The following RGS13 variants were observed in gnomAD, a reference collection of about 807,000 sequenced individuals.
The protein encoded by RGS13 is regulator of G-protein signalling 13.
Under a neutral mutation model 19.9 loss-of-function variants are expected in RGS13, and 14 were observed. That is an observed-to-expected ratio of 0.70 (90% CI 0.46 to 1.10). The LOEUF is 1.10. Among genes scored for constraint, RGS13 ranks in the 50% least tolerant of loss-of-function variants. RGS13 has a pLI of 0.00. For synonymous variants in RGS13, 60 were observed against 56.8 expected (o/e 1.06, Z -0.25); for missense variants, 205 against 187.1 (o/e 1.10, Z -0.56).
chr1:192,646,833 GTTTC>G (rs1663231529), intron 4 of RGS13: 1 of 152,034 alleles, frequency 6.6e-6, no homozygotes, highest in African/African-American at 2.4e-5. Context: ...ACATGATATT[GTTTC>G]TTTTTATGGC....
At chr1:192,639,698 A>G (rs889382781) in intron 3 of RGS13, among the ~76,000 whole-genome samples, 5 of 152,136 alleles carry the variant, frequency 3.3e-5, no homozygotes, top group Non-Finnish European at 7.4e-5. Flanking sequence ...AGGAAAAGGA[A>G]ATGAGAATCT....
At chr1:192,648,695 C>G (rs1178863873) in intron 5 of RGS13, among the ~76,000 whole-genome samples, 1 of 151,940 alleles carries the variant, frequency 6.6e-6, no homozygotes, top group Non-Finnish European at 1.5e-5. Flanking sequence ...GGAGTTGGTT[C>G]CCCTCAATGC....
chr1:192,641,306 G>GAAAGAA (rs201039158), intron 3 of RGS13, among the ~76,000 whole-genome samples: 34 of 105,476 alleles, frequency 3.2e-4, no homozygotes, highest in African/African-American at 5.3e-4. Context: ...AAGAAAGAAA[G>GAAAGAA]AAAAGAAAGA....
intron 5 of RGS13, among the ~76,000 whole-genome samples, chr1:192,653,233 GA>G (rs1406670596): frequency 6.6e-6 from 1 of 151,780 alleles, no homozygotes; most frequent in East Asian, 1.9e-4. Flanking sequence ...GAATTCACGG[GA>G]AAAAAAGAAA....
At chr1:192,656,466 G>T (rs1430263207) in intron 5 of RGS13, among the ~76,000 whole-genome samples, 1 of 151,752 alleles carries the variant, frequency 6.6e-6, no homozygotes, top group Non-Finnish European at 1.5e-5. Context: ...ACCTTTCTGT[G>T]CCTATGGTGA....
Position 192,658,757 on chromosome 1 carries a change from A to T in RGS13, c.294+390A>T, listed in dbSNP as rs77905173. 573 of 179,416 alleles carry T rather than the reference A, an allele frequency of 3.2e-3. 10 individuals are homozygous for T. Among genetic ancestry groups the T allele is most frequent in the East Asian group, 0.024 (160 of 6,650 alleles). The allele number at this position is 179,416 out of a possible 1,614,324, so 11.1% of individuals were successfully genotyped here. On this transcript the variant is annotated intron_variant, in intron 6 of 6. Transcript: ENST00000391995. ...TGTTGTTGGGCAATGAGAAATAAAAAGTCTGTTAAGGGAATAAAGACAGAG... is the reference window on the plus strand; with the variant it reads ...TGTTGTTGGGCAATGAGAAATAAAATGTCTGTTAAGGGAATAAAGACAGAG...
intron 3 of RGS13, among the ~76,000 whole-genome samples, chr1:192,639,018 C>T (rs1252429514): frequency 6.6e-6 from 1 of 152,084 alleles, no homozygotes; most frequent in Non-Finnish European, 1.5e-5. Context: ...TATATTGCTT[C>T]TTTTTCAATG....
intron 5 of RGS13, among the ~76,000 whole-genome samples, chr1:192,649,671 G>C (rs1663301368): frequency 6.6e-6 from 1 of 151,984 alleles, no homozygotes; most frequent in Non-Finnish European, 1.5e-5. Context: ...CACATAACAT[G>C]CCCTCCACCA....
chr1:192,644,409 A>T lies in RGS13; in HGVS notation c.65+10A>T, dbSNP rs748018074. On this transcript the variant is annotated intron_variant, in intron 4 of 6. Transcript: ENST00000391995. ...AGAGGCCCCCTTCAAAGTAAGTAGC[A>T]TTTAAGTTTCTATGGTAATTGTAAA... The T allele has an allele frequency of 4.5e-5, 71 of 1,591,596 alleles. No individual in the cohort carries two copies. Among genetic ancestry groups the T allele is most frequent in the Admixed American group, 4.4e-4 (26 of 59,652 alleles).
rs1398459607 is a variant in RGS13 at position 192,641,263 on chromosome 1, AAAG to A, written c.-5+3063_-4-3063del. ...AAGAAAGAAAAGAAAGAAAAGAAAG[AAAG>A]AAAGAAAGAAAGAAAGAAAGAAAGA... is the stretch of plus-strand genomic sequence containing the variant. On this transcript the variant is annotated intron_variant, in intron 3 of 6. Transcript: ENST00000391995. Among the ~76,000 whole-genome samples the A allele has an allele frequency of 1.1e-4, 12 of 105,214 alleles. 1 individual carries two copies. In the South Asian group the frequency reaches 1.8e-3, roughly 16 times the overall value. The allele number at this position is 105,214 out of a possible 152,430, so 69.0% of individuals were successfully genotyped here.
intron 5 of RGS13, among the ~76,000 whole-genome samples, chr1:192,652,396 G>A (rs982616273): frequency 1.3e-5 from 2 of 152,030 alleles, no homozygotes; most frequent in African/African-American, 2.4e-5. Context: ...GTGATTGGCA[G>A]TTTCCTACAC....
intron 5 of RGS13, among the ~76,000 whole-genome samples, chr1:192,653,673 T>C (rs1571586226): frequency 6.6e-6 from 1 of 152,238 alleles, no homozygotes; most frequent in South Asian, 2.1e-4. Context: ...CTATGTGCTA[T>C]TAACTATGAA....
intron 3 of RGS13, among the ~76,000 whole-genome samples, chr1:192,642,199 C>T (rs968989161): frequency 6.6e-6 from 1 of 152,164 alleles, no homozygotes; most frequent in Admixed American, 6.6e-5. Context: ...AATTCTCCCA[C>T]CACTTTCTTG....
Position 192,659,321 on chromosome 1 carries a change from G to A in RGS13, c.295-17G>A, listed in dbSNP as rs1212336124. ...ACTATGCTAACTTAATGCTGTACAT[G>A]TAATTTCACTTTTCAGATTAACATT... On this transcript the variant is annotated splice_polypyrimidine_tract_variant and intron_variant, in intron 6 of 6. Transcript: ENST00000391995. The A allele has an allele frequency of 1.3e-6, 2 of 1,598,396 alleles. No homozygotes were observed. The highest frequency in any genetic ancestry group is 1.7e-6 in the Non-Finnish European group (2 of 1,171,102).
rs1267962838 is a variant in RGS13, at chr1:192,647,916, C to A, written c.66-10C>A. The stretch of plus-strand genomic sequence containing the variant: ...TTAGCCCAATCAGTGCTTTTTGTTT[C>A]TTTTCAAAGCCTTACTTTGGAGGAA... On this transcript the variant is annotated splice_polypyrimidine_tract_variant and intron_variant, in intron 4 of 6. Transcript: ENST00000391995. 3 of 1,571,874 alleles carry A rather than the reference C, an allele frequency of 1.9e-6. No individual in the cohort carries two copies. The highest frequency in any genetic ancestry group is 2.7e-5 in the African/African-American group (2 of 73,226).
intron 3 of RGS13, among the ~76,000 whole-genome samples, chr1:192,642,941 C>G (rs77951007): frequency 2.6e-5 from 4 of 151,958 alleles, no homozygotes; most frequent in East Asian, 1.9e-4. Context: ...CTTGCTACAG[C>G]CTCCATCTCC....
Position 192,659,494 on chromosome 1 carries a change from A to C in RGS13, c.451A>C (p.Lys151Gln). Residue 151 changes from lysine (K) to glutamine (Q), a missense_variant, in exon 7 of 7, where the codon AAA becomes CAA. Physicochemically the swap from Lys to Gln is moderately conservative, Grantham distance 53. Coordinates refer to ENST00000391995, the MANE Select transcript of RGS13 (RefSeq NM_002927.5). Reference sequence around the variant, plus strand: ...GTCAGAAATGTACCAAAAACTTTTGAAAACTATGCAGTCCAACAACAGTTT... The same window carrying C: ...GTCAGAAATGTACCAAAAACTTTTGCAAACTATGCAGTCCAACAACAGTTT... ...LKSEMYQKLL[K>Q]TMQSNNSF 1.9e-6 allele frequency: 3 copies of C among 1,612,236 alleles called. No homozygotes were observed. Among genetic ancestry groups the C allele is most frequent in the Non-Finnish European group, 2.5e-6 (3 of 1,179,244 alleles).
At chr1:192,646,387 C>G (rs897851495) in intron 4 of RGS13, 10 of 152,062 alleles carry the variant, frequency 6.6e-5, no homozygotes, top group African/African-American at 2.4e-4. Context: ...ACAGTGCTTG[C>G]GTGTCTATAG....
Position 192,658,188 on chromosome 1 carries a change from C to G in RGS13, c.128-13C>G. 1.3e-6 allele frequency: 2 copies of G among 1,579,508 alleles called. No homozygotes were observed. Among genetic ancestry groups the G allele is most frequent in the Non-Finnish European group, 1.7e-6 (2 of 1,163,320 alleles). On this transcript the variant is annotated splice_polypyrimidine_tract_variant and intron_variant, in intron 5 of 6. Transcript: ENST00000391995. ...GACCCATGAAAATAAACTGATTTCT[C>G]CTCTACTTTTAGATGGTCCAGTAGT...
Sources: allele counts gnomAD v4.1 joint callset (sites outside exome capture counted in the v4.1 genomes callset), GRCh38; gene constraint gnomAD v4.1.1; transcripts MANE v1.5; gene names NCBI Gene and HGNC (gene_info 2026-07-23, HGNC 2026-07-21).